The following ANO3 variants were observed in gnomAD, a reference collection of about 807,000 sequenced individuals.
ANO3 encodes anoctamin-3.
Under a neutral mutation model 144.8 loss-of-function variants are expected in ANO3, and 99 were observed. The ratio of observed to expected loss-of-function variants is 0.68; its 90% CI spans 0.58 to 0.81. The LOEUF (loss-of-function observed/expected upper bound fraction) is 0.81. Ranked by LOEUF, ANO3 falls within the 30% of genes least tolerant of loss-of-function variation. ANO3 has a pLI of 0.00. For synonymous variants in ANO3, 414 were observed against 392.6 expected, an observed-to-expected ratio of 1.05 and a Z score of -0.64; for missense variants, 905 against 1,202.2, an observed-to-expected ratio of 0.75 and a Z score of 3.66.
intron 4 of ANO3, among the ~76,000 whole-genome samples, chr11:26,494,055 T>C (rs890476448): frequency 1.3e-5 from 2 of 152,202 alleles, no homozygotes; most frequent in African/African-American, 4.8e-5. Flanking sequence ...TTTTAATGTG[T>C]ATTACAAAAG....
At chr11:26,630,481 A>C (rs1852740520) in intron 18 of ANO3, among the ~76,000 whole-genome samples, 1 of 152,246 alleles carries the variant, frequency 6.6e-6, no homozygotes, top group Non-Finnish European at 1.5e-5. Flanking sequence ...GATGAAGTCT[A>C]TTACTAAATC....
intron 1 of ANO3, among the ~76,000 whole-genome samples, chr11:26,441,106 G>GTTTTTTTTT (rs1022676698): frequency 1.0e-4 from 9 of 86,552 alleles, no homozygotes; most frequent in East Asian, 7.5e-4. Flanking sequence ...TTGCTGCCCA[G>GTTTTTTTTT]TTTTTTTTTT....
At chr11:26,211,503 A>G (rs564289843) in intron 1 of ANO3, among the ~76,000 whole-genome samples, 1 of 152,320 alleles carries the variant, frequency 6.6e-6, no homozygotes, top group African/African-American at 2.4e-5. Flanking sequence ...AAATCAAACC[A>G]CAATGAGATA....
chr11:26,637,190 T>A (rs1226882169), intron 20 of ANO3, among the ~76,000 whole-genome samples: 1 of 152,132 alleles, frequency 6.6e-6, no homozygotes, highest in Non-Finnish European at 1.5e-5. Flanking sequence ...TCCTTATAAA[T>A]CATAAAGTCA....
At chr11:26,289,618 C>T (rs569118078) in intron 1 of ANO3, among the ~76,000 whole-genome samples, 1 of 83,244 alleles carries the variant, frequency 1.2e-5, no homozygotes, top group Non-Finnish European at 2.2e-5. Flanking sequence ...CACATATATT[C>T]TATATGTGTG....
At chr11:26,480,791 G>C (rs1860184539) in intron 4 of ANO3, among the ~76,000 whole-genome samples, 1 of 152,030 alleles carries the variant, frequency 6.6e-6, no homozygotes, top group Non-Finnish European at 1.5e-5. Context: ...CTGGGCAACA[G>C]AGTGAGACCC....
At chr11:26,421,921 G>A (rs1342466000) in intron 1 of ANO3, among the ~76,000 whole-genome samples, 1 of 151,946 alleles carries the variant, frequency 6.6e-6, no homozygotes. Context: ...CACATAGAGG[G>A]GAACAACACA....
At chr11:26,515,872 A>G (rs1215122056) in intron 5 of ANO3, among the ~76,000 whole-genome samples, 1 of 151,966 alleles carries the variant, frequency 6.6e-6, no homozygotes, top group Non-Finnish European at 1.5e-5. Flanking sequence ...TGTGTAATTC[A>G]GTGTTAGAAT....
At chr11:26,272,246 G>T (rs1349808770) in intron 1 of ANO3, among the ~76,000 whole-genome samples, 1 of 151,924 alleles carries the variant, frequency 6.6e-6, no homozygotes, top group Non-Finnish European at 1.5e-5. Flanking sequence ...GAGAAGCAGA[G>T]AAAAGTCATG....
chr11:26,360,387 G>C (rs1294192294), intron 1 of ANO3, among the ~76,000 whole-genome samples: 1 of 151,998 alleles, frequency 6.6e-6, no homozygotes, highest in Non-Finnish European at 1.5e-5. Flanking sequence ...TGATCAGATA[G>C]AGATTTTTAA....
chr11:26,220,788 C>T (rs1313276926), intron 1 of ANO3, among the ~76,000 whole-genome samples: 2 of 152,136 alleles, frequency 1.3e-5, no homozygotes, highest in African/African-American at 2.4e-5. Flanking sequence ...AGGCTTCTGG[C>T]CTAATGGAGC....
At chr11:26,283,316 A>AT (rs1853720209) in intron 1 of ANO3, among the ~76,000 whole-genome samples, 6 of 51,534 alleles carry the variant, frequency 1.2e-4, no homozygotes, top group East Asian at 1.3e-3. Context: ...ATAAACAAAT[A>AT]AATAAATATA....
intron 17 of ANO3, among the ~76,000 whole-genome samples, chr11:26,609,322 TATTCACATGCAGGATCACATGCAGG>T (rs887980640): frequency 1.4e-5 from 2 of 140,132 alleles, no homozygotes; most frequent in Non-Finnish European, 3.2e-5. Context: ...ATTCACATGC[TATTCACATGCAGGATCACATGCAGG>T]ATTCACATGC....
intron 1 of ANO3, among the ~76,000 whole-genome samples, chr11:26,220,006 T>C (rs1384143751): frequency 2.6e-5 from 4 of 152,202 alleles, no homozygotes; most frequent in Admixed American, 2.6e-4. Context: ...GATATTTTCC[T>C]TCTTATCTCA....
intron 1 of ANO3, among the ~76,000 whole-genome samples, chr11:26,234,956 AT>A (rs1483968469): frequency 6.8e-6 from 1 of 147,674 alleles, no homozygotes; most frequent in African/African-American, 2.4e-5. Flanking sequence ...GAGAAGGCTG[AT>A]TGATGTCTCA....
intron 14 of ANO3, among the ~76,000 whole-genome samples, chr11:26,581,764 G>A (rs1268987398): frequency 6.6e-6 from 1 of 150,708 alleles, no homozygotes; most frequent in Non-Finnish European, 1.5e-5. Flanking sequence ...ACAAAAGATG[G>A]AAAGTATCAT....
rs1275634072 is a variant in ANO3 at position 26,382,988 on chromosome 11, A to G, written c.46+50667A>G. ...ATATACTTGACTTGAGATTTGTGTA[A>G]ATTCTATTAACATTGTGATCTTCAG... On this transcript the variant is annotated intron_variant, in intron 1 of 26. Transcript: ENST00000256737. Among the ~76,000 whole-genome samples, 2 of 152,062 alleles carry G rather than the reference A, an allele frequency of 1.3e-5. 1 individual carries two copies. The highest frequency in any genetic ancestry group is 2.9e-5 in the Non-Finnish European group (2 of 68,002).
At chr11:26,593,570 C>A (rs556647526) in intron 14 of ANO3, among the ~76,000 whole-genome samples, 1 of 152,216 alleles carries the variant, frequency 6.6e-6, no homozygotes, top group Non-Finnish European at 1.5e-5. Context: ...CATGGGCTGG[C>A]GCTTGCCCTG....
intron 1 of ANO3, among the ~76,000 whole-genome samples, chr11:26,380,609 G>T (rs1200553510): frequency 6.6e-6 from 1 of 152,100 alleles, no homozygotes; most frequent in African/African-American, 2.4e-5. Flanking sequence ...CCTTCTAGAG[G>T]CCCTACATCT....
Sources: gnomAD v4.1 joint callset for allele counts (sites outside exome capture counted in the v4.1 genomes callset) on GRCh38, gnomAD v4.1.1 for gene constraint, MANE v1.5 for transcripts, NCBI Gene and HGNC (gene_info 2026-07-23, HGNC 2026-07-21) for gene names.